OPCML: variants seen among roughly 807,000 people sequenced by gnomAD.
OPCML encodes opioid binding protein/cell adhesion molecule like, also known as opioid-binding protein/cell adhesion molecule.
Under a neutral mutation model 37.8 loss-of-function variants are expected in OPCML, and 13 were observed. That is an observed-to-expected ratio of 0.34 (90% CI 0.22 to 0.55). The LOEUF (loss-of-function observed/expected upper bound fraction) is 0.55. Among genes scored for constraint, OPCML ranks in the 20% least tolerant of loss-of-function variants. The pLI is 0.91. For missense variants in OPCML, 341 were observed against 435.6 expected, an observed-to-expected ratio of 0.78 and a Z score of 1.93; for synonymous variants, 176 against 168.8, an observed-to-expected ratio of 1.04 and a Z score of -0.33.
chr11:132,682,863 T>C (rs1005858746), intron 2 of OPCML, among the ~76,000 whole-genome samples: 8 of 152,220 alleles, frequency 5.3e-5, no homozygotes, highest in African/African-American at 1.9e-4. Context: ...TTCCCCTGCA[T>C]GTGGAAGGTC....
At chr11:133,489,347 A>T (rs7926705) in intron 1 of OPCML, among the ~76,000 whole-genome samples, 60,089 of 151,788 alleles carry the variant, frequency 0.4, 15,359 homozygotes, top group African/African-American at 0.73. Context: ...AAAGGGCTAA[A>T]TCCAGAATCT....
chr11:132,446,359 G>A (rs1004795508), intron 4 of OPCML, among the ~76,000 whole-genome samples: 7 of 151,698 alleles, frequency 4.6e-5, no homozygotes, highest in Admixed American at 6.6e-5. Context: ...GAGGAAGAGA[G>A]AGAGAGAATG....
intron 1 of OPCML, chr11:133,421,844 A>C: frequency 1.2e-6 from 1 of 839,306 alleles, no homozygotes; most frequent in Non-Finnish European, 1.4e-6. Flanking sequence ...AGCCATCCCT[A>C]CTGTAACCTC....
chr11:132,786,927 G>A lies in OPCML; in HGVS notation c.147-129608C>T, dbSNP rs117281637. Among the ~76,000 whole-genome samples the A allele has an allele frequency of 5.0e-3, 758 of 152,278 alleles. 20 individuals are homozygous for A. In the East Asian group the frequency reaches 0.059, roughly 12 times the overall value. On this transcript the variant is annotated intron_variant, in intron 2 of 7. Transcript: ENST00000524381. ...TGGAGCGTCTGGAGTGAGAGCAAGCGTGGGGCATGGAGTAGGAAGTTCTAG... is the reference window on the plus strand; with the variant it reads ...TGGAGCGTCTGGAGTGAGAGCAAGCATGGGGCATGGAGTAGGAAGTTCTAG...
chr11:133,082,672 A>ACGGCC (rs1237091920), intron 1 of OPCML, among the ~76,000 whole-genome samples: 22 of 67,430 alleles, frequency 3.3e-4, no homozygotes, highest in African/African-American at 1.3e-3. Context: ...TCGGCACGGC[A>ACGGCC]CGGCCCTGTC....
At chr11:132,728,520 T>A (rs1944966056) in intron 2 of OPCML, among the ~76,000 whole-genome samples, 1 of 152,136 alleles carries the variant, frequency 6.6e-6, no homozygotes, top group Non-Finnish European at 1.5e-5. Context: ...TACTAATTAC[T>A]TTTCTCTCTA....
At chr11:132,494,553 G>T (rs1222133040) in intron 4 of OPCML, among the ~76,000 whole-genome samples, 1 of 151,968 alleles carries the variant, frequency 6.6e-6, no homozygotes, top group Non-Finnish European at 1.5e-5. Context: ...TCTCTAAAAA[G>T]ATGGTTCTGC....
intron 2 of OPCML, among the ~76,000 whole-genome samples, chr11:132,671,542 C>T (rs1008882055): frequency 3.3e-5 from 5 of 152,090 alleles, no homozygotes; most frequent in Non-Finnish European, 5.9e-5. Flanking sequence ...TGAACTGCTC[C>T]GAGGCAACCA....
At chr11:133,429,843 G>T (rs1946081217) in intron 1 of OPCML, among the ~76,000 whole-genome samples, 1 of 152,158 alleles carries the variant, frequency 6.6e-6, no homozygotes, top group East Asian at 1.9e-4. Context: ...ACATCTAGGT[G>T]GAAATGTTGA....
At chr11:133,408,075 T>C (rs920552377) in intron 1 of OPCML, among the ~76,000 whole-genome samples, 1 of 152,186 alleles carries the variant, frequency 6.6e-6, no homozygotes, top group Non-Finnish European at 1.5e-5. Flanking sequence ...AGTGAAACGA[T>C]GTATAACAAA....
At chr11:132,922,631 C>G (rs1044974425) in intron 2 of OPCML, among the ~76,000 whole-genome samples, 3 of 152,134 alleles carry the variant, frequency 2.0e-5, no homozygotes, top group Non-Finnish European at 2.9e-5. Flanking sequence ...TATAACACAG[C>G]CTACCTCTTT....
At chr11:132,685,986 T>C (rs962069922) in intron 2 of OPCML, among the ~76,000 whole-genome samples, 1 of 152,144 alleles carries the variant, frequency 6.6e-6, no homozygotes, top group African/African-American at 2.4e-5. Flanking sequence ...TGGCATTTAT[T>C]TTGAGTTGTG....
chr11:132,690,815 T>C (rs79308744), intron 2 of OPCML, among the ~76,000 whole-genome samples: 4,291 of 152,286 alleles, frequency 0.028, 155 homozygotes, highest in African/African-American at 0.081. Context: ...CCTCAAGCCT[T>C]ACCCAGCAGG....
At chr11:133,012,910 G>C (rs1339787326) in intron 1 of OPCML, among the ~76,000 whole-genome samples, 1 of 151,712 alleles carries the variant, frequency 6.6e-6, no homozygotes, top group Non-Finnish European at 1.5e-5. Context: ...TCTGTACTTG[G>C]ACTTTCCCAC....
chr11:133,331,707 T>C (rs1390153012), intron 1 of OPCML, among the ~76,000 whole-genome samples: 4 of 152,148 alleles, frequency 2.6e-5, no homozygotes, highest in African/African-American at 7.2e-5. Context: ...TTATTTCTAT[T>C]TGAAATTTTA....
chr11:132,966,177 A>G (rs992888978), intron 1 of OPCML, among the ~76,000 whole-genome samples: 1 of 152,020 alleles, frequency 6.6e-6, no homozygotes, highest in African/African-American at 2.4e-5. Context: ...GCACCTAAAA[A>G]TGTATCTTTA....
chr11:133,452,315 G>A (rs1946595336), intron 1 of OPCML, among the ~76,000 whole-genome samples: 1 of 151,056 alleles, frequency 6.6e-6, no homozygotes, highest in Non-Finnish European at 1.5e-5. Flanking sequence ...ACAAACAGTG[G>A]TAGCATTTTA....
intron 1 of OPCML, among the ~76,000 whole-genome samples, chr11:133,280,752 C>T (rs1459176075): frequency 2.0e-5 from 3 of 152,122 alleles, no homozygotes; most frequent in Non-Finnish European, 4.4e-5. Context: ...AACAATGAGG[C>T]CTCTTAGATC....
chr11:132,705,637 C>T (rs529067492), intron 2 of OPCML, among the ~76,000 whole-genome samples: 5 of 152,024 alleles, frequency 3.3e-5, no homozygotes, highest in African/African-American at 7.2e-5. Context: ...CAATTCCCCC[C>T]GCCCTTGCTC....
Sources: gnomAD v4.1 joint callset for allele counts (sites outside exome capture counted in the v4.1 genomes callset) on GRCh38, gnomAD v4.1.1 for gene constraint, MANE v1.5 for transcripts, NCBI Gene and HGNC (gene_info 2026-07-23, HGNC 2026-07-21) for gene names.